TNIK: variants seen among roughly 807,000 people sequenced by gnomAD.
TNIK encodes the protein TRAF2 and NCK interacting kinase.
Under a neutral mutation model 191.3 loss-of-function variants are expected in TNIK, and 49 were observed. The ratio of observed to expected loss-of-function variants is 0.26; its 90% CI spans 0.20 to 0.32. The LOEUF is 0.32. TNIK is among the 10% of genes least tolerant of loss of function. TNIK has a pLI of 1.00. For missense variants in TNIK, 1,155 were observed against 1,702.3 expected, an observed-to-expected ratio of 0.68 and a Z score of 5.66; for synonymous variants, 594 against 600.9, an observed-to-expected ratio of 0.99 and a Z score of 0.17.
At chr3:171,332,655 A>G (rs74385478) in intron 2 of TNIK, among the ~76,000 whole-genome samples, 1 of 152,054 alleles carries the variant, frequency 6.6e-6, no homozygotes, top group Non-Finnish European at 1.5e-5. Context: ...CCAGCCAACT[A>G]CCTCCTGATT....
intron 1 of TNIK, among the ~76,000 whole-genome samples, chr3:171,442,257 T>G (rs1726915840): frequency 6.6e-6 from 1 of 152,180 alleles, no homozygotes; most frequent in South Asian, 2.1e-4. Flanking sequence ...CAACTTGCAT[T>G]GTATCAAGTG....
intron 2 of TNIK, among the ~76,000 whole-genome samples, chr3:171,351,465 C>T (rs572360113): frequency 6.6e-6 from 1 of 152,156 alleles, no homozygotes; most frequent in Non-Finnish European, 1.5e-5. Flanking sequence ...GTGTCATCTT[C>T]ATTTTTCATT....
At chr3:171,279,954 T>C (rs1381806584) in intron 2 of TNIK, among the ~76,000 whole-genome samples, 1 of 152,170 alleles carries the variant, frequency 6.6e-6, no homozygotes, top group African/African-American at 2.4e-5. Context: ...TAATAGTTCA[T>C]GCACCATAAA....
intron 1 of TNIK, among the ~76,000 whole-genome samples, chr3:171,413,769 C>T (rs965388959): frequency 6.6e-6 from 1 of 152,190 alleles, no homozygotes; most frequent in African/African-American, 2.4e-5. Flanking sequence ...GTTAAGAGTA[C>T]AGGTTCGCAG....
chr3:171,386,282 C>A (rs1005743119), intron 1 of TNIK, among the ~76,000 whole-genome samples: 5 of 152,168 alleles, frequency 3.3e-5, no homozygotes, highest in Non-Finnish European at 7.3e-5. Flanking sequence ...TCTGAGAGTA[C>A]CAGCTGGGTC....
At chr3:171,266,486 C>A (rs186118777) in intron 2 of TNIK, among the ~76,000 whole-genome samples, 1 of 152,154 alleles carries the variant, frequency 6.6e-6, no homozygotes, top group Non-Finnish European at 1.5e-5. Context: ...TTGCCCCCAA[C>A]CCAGGCTGTC....
At chr3:171,149,831 A>G (rs1387694575) in intron 12 of TNIK, among the ~76,000 whole-genome samples, 4 of 152,212 alleles carry the variant, frequency 2.6e-5, no homozygotes, top group Admixed American at 1.3e-4. Flanking sequence ...TGTTGATGCT[A>G]ATGACATCCA....
At chr3:171,438,965 C>T (rs1200803411) in intron 1 of TNIK, among the ~76,000 whole-genome samples, 3 of 152,152 alleles carry the variant, frequency 2.0e-5, no homozygotes, top group Non-Finnish European at 2.9e-5. Context: ...AGAGAGCAGA[C>T]AGTAGTTCTA....
At chr3:171,139,148 A>T (rs924902891) in intron 14 of TNIK, among the ~76,000 whole-genome samples, 2 of 152,184 alleles carry the variant, frequency 1.3e-5, no homozygotes, top group African/African-American at 4.8e-5. Context: ...CTCTGCAATA[A>T]ACACAGTAGG....
chr3:171,407,008 G>A (rs1447886040), intron 1 of TNIK, among the ~76,000 whole-genome samples: 1 of 152,230 alleles, frequency 6.6e-6, no homozygotes, highest in Non-Finnish European at 1.5e-5. Context: ...GGGAATGGGA[G>A]TGAGGAGAGG....
intron 18 of TNIK, among the ~76,000 whole-genome samples, chr3:171,115,231 T>C (rs761892717): frequency 6.6e-6 from 1 of 152,232 alleles, no homozygotes; most frequent in African/African-American, 2.4e-5. Context: ...TTTTCTTCCC[T>C]GGTGGTTGTG....
At chr3:171,092,721 A>G (rs561624406) in intron 23 of TNIK, among the ~76,000 whole-genome samples, 1 of 152,320 alleles carries the variant, frequency 6.6e-6, no homozygotes, top group South Asian at 2.1e-4. Context: ...TTATAGCCCC[A>G]CTGCTAATTA....
chr3:171,338,506 G>A (rs1757198720), intron 2 of TNIK, among the ~76,000 whole-genome samples: 1 of 151,720 alleles, frequency 6.6e-6, no homozygotes, highest in Admixed American at 6.6e-5. Flanking sequence ...TTTTTCTGTT[G>A]GAGACAATGT....
At chr3:171,247,462 T>G (rs146468958) in intron 2 of TNIK, among the ~76,000 whole-genome samples, 182 of 152,320 alleles carry the variant, frequency 1.2e-3, no homozygotes, top group African/African-American at 4.0e-3. Context: ...AGTGCCATTC[T>G]TTGAGACAGA....
At chr3:171,270,180 C>A (rs759917418) in intron 2 of TNIK, among the ~76,000 whole-genome samples, 62 of 152,236 alleles carry the variant, frequency 4.1e-4, no homozygotes, top group Non-Finnish European at 7.9e-4. Flanking sequence ...TCAGATACTG[C>A]CACAGTTGGG....
intron 1 of TNIK, among the ~76,000 whole-genome samples, chr3:171,404,263 G>T (rs1038200078): frequency 6.6e-6 from 1 of 152,134 alleles, no homozygotes; most frequent in African/African-American, 2.4e-5. Flanking sequence ...CCAAATGTCA[G>T]TGTGACTCCT....
At chr3:171,417,690 G>A (rs1257488287) in intron 1 of TNIK, among the ~76,000 whole-genome samples, 1 of 152,110 alleles carries the variant, frequency 6.6e-6, no homozygotes, top group Non-Finnish European at 1.5e-5. Flanking sequence ...AAATCAGATT[G>A]CTCACTGAAC....
intron 2 of TNIK, among the ~76,000 whole-genome samples, chr3:171,280,863 A>G (rs71306702): frequency 0.025 from 3,868 of 152,264 alleles, 59 homozygotes; most frequent in Middle Eastern, 0.037. Context: ...ATATTTCTCT[A>G]TTACTATATG....
rs56257828 is a variant in TNIK at position 171,292,124 on chromosome 3, T to TTA, written c.124-63905_124-63904dup. Reference sequence around the variant, plus strand: ...CTGCTGAAATTCCCTATATTTTCACTTATGTGTACAAGAATATTTTCCTTT... The same window carrying TTA: ...CTGCTGAAATTCCCTATATTTTCACTTATATGTGTACAAGAATATTTTCCTTT... On this transcript the variant is annotated intron_variant, in intron 2 of 32. Coordinates refer to ENST00000436636, the MANE Select transcript of TNIK (RefSeq NM_015028.4). Among the ~76,000 whole-genome samples, 612 of 152,346 alleles carry TTA rather than the reference T, an allele frequency of 4.0e-3. 2 individuals carry two copies. The highest frequency in any genetic ancestry group is 0.014 in the Middle Eastern group (4 of 294).
Sources: allele counts gnomAD v4.1 joint callset (sites outside exome capture counted in the v4.1 genomes callset), GRCh38; gene constraint gnomAD v4.1.1; transcripts MANE v1.5; gene names NCBI Gene and HGNC (gene_info 2026-07-23, HGNC 2026-07-21).